SP100: variants seen among roughly 807,000 people sequenced by gnomAD.
The protein encoded by SP100 is SP100 nuclear body protein.
In SP100, 84 loss-of-function variants were observed where a neutral mutation model predicts 130.0. The ratio of observed to expected loss-of-function variants is 0.65; its 90% CI spans 0.54 to 0.77. The LOEUF (loss-of-function observed/expected upper bound fraction) is 0.77. Ranked by LOEUF, SP100 falls within the 30% of genes least tolerant of loss-of-function variation. The pLI is 0.00. For missense variants in SP100, 978 were observed against 1,052.2 expected (o/e 0.93, Z 0.97); for synonymous variants, 331 against 351.7 (o/e 0.94, Z 0.66).
intron 17 of SP100, among the ~76,000 whole-genome samples, chr2:230,486,451 T>C (rs2066101563): frequency 2.0e-5 from 3 of 152,164 alleles, no homozygotes; most frequent in African/African-American, 7.2e-5. Flanking sequence ...CTGGGTCAGT[T>C]TGCTGAGGAT....
At chr2:230,535,307 A>G (rs1005802576) in intron 24 of SP100, among the ~76,000 whole-genome samples, 1 of 152,210 alleles carries the variant, frequency 6.6e-6, no homozygotes, top group East Asian at 1.9e-4. Context: ...AGGTTGTTTC[A>G]TTAGATTAGA....
intron 17 of SP100, chr2:230,494,012 C>A (rs1054603071): frequency 1.1e-5 from 2 of 180,382 alleles, no homozygotes; most frequent in African/African-American, 4.8e-5. Flanking sequence ...CCCACTTTGG[C>A]CTCCCAAAGA....
chr2:230,431,452 G>A (rs1043835099), intron 2 of SP100, among the ~76,000 whole-genome samples: 2 of 152,154 alleles, frequency 1.3e-5, no homozygotes, highest in Non-Finnish European at 2.9e-5. Context: ...CCCTTCTAAT[G>A]TGGTTTTTCT....
intron 24 of SP100, among the ~76,000 whole-genome samples, chr2:230,520,977 G>T (rs995361799): frequency 2.6e-5 from 4 of 152,172 alleles, no homozygotes; most frequent in Non-Finnish European, 5.9e-5. Flanking sequence ...CCTTTTCAGG[G>T]TCAGTGGGGT....
chr2:230,436,734 G>T (rs2063279770), intron 2 of SP100, among the ~76,000 whole-genome samples: 1 of 151,828 alleles, frequency 6.6e-6, no homozygotes, highest in Non-Finnish European at 1.5e-5. Context: ...AATTTTATTA[G>T]GTCTATAGGT....
At chr2:230,421,262 A>G (rs2062759666) in intron 2 of SP100, among the ~76,000 whole-genome samples, 1 of 152,162 alleles carries the variant, frequency 6.6e-6, no homozygotes, top group Non-Finnish European at 1.5e-5. Flanking sequence ...AGTGAGGCAC[A>G]TTGGGTAATT....
At chr2:230,494,122 C>T (rs1320178476) in intron 17 of SP100, among the ~76,000 whole-genome samples, 1 of 151,900 alleles carries the variant, frequency 6.6e-6, no homozygotes, top group East Asian at 1.9e-4. Flanking sequence ...CTGCTGCTGT[C>T]ACCTTCTGCT....
At chr2:230,441,309 T>C (rs2063459311) in intron 2 of SP100, among the ~76,000 whole-genome samples, 1 of 152,212 alleles carries the variant, frequency 6.6e-6, no homozygotes, top group African/African-American at 2.4e-5. Flanking sequence ...AGGCTATCTC[T>C]GATAGTCTTT....
chr2:230,417,857 G>A (rs966197770), intron 2 of SP100, among the ~76,000 whole-genome samples, 192 bp downstream of exon 2: 1 of 151,974 alleles, frequency 6.6e-6, no homozygotes, highest in Non-Finnish European at 1.5e-5. Flanking sequence ...TAAATATTCT[G>A]TAAGTATAAA....
intron 8 of SP100, among the ~76,000 whole-genome samples, chr2:230,459,889 G>A (rs746631322): frequency 1.3e-5 from 2 of 152,114 alleles, no homozygotes; most frequent in Non-Finnish European, 2.9e-5. Context: ...GCCTTCGTGT[G>A]GCCCTTAGCA....
intron 17 of SP100, among the ~76,000 whole-genome samples, chr2:230,489,047 G>A (rs764143377): frequency 6.6e-6 from 1 of 152,142 alleles, no homozygotes; most frequent in Admixed American, 6.5e-5. Flanking sequence ...AAATGAGTTA[G>A]GGAGGAGTCA....
At position 230,542,035 on chromosome 2, in the gene SP100, G is replaced by A. The variant is rs1302602213; in HGVS notation, c.2547G>A (p.Arg849=). 1.2e-6 allele frequency: 2 copies of A among 1,613,658 alleles called. No homozygotes were observed. Among genetic ancestry groups the A allele is most frequent in the Non-Finnish European group, 1.7e-6 (2 of 1,179,778 alleles). The change falls in exon 28 of 29, where the codon AGG becomes AGA. Residue 849 remains arginine (R), a splice_region_variant and synonymous_variant. Coordinates refer to ENST00000340126, the MANE Select transcript of SP100 (RefSeq NM_001080391.2). ...TTCATAACCACAAGGAATTTTACAG[G>A]GTGAGTGGCTCTCCCTGCTTCCTTT... The part of the protein sequence containing the change: ...LIFHNHKEFY[R]EDKFTRLGIQ...
At chr2:230,449,033 A>T (rs2149921320) in intron 5 of SP100, 55 bp from the exon 6 acceptor site, 1 of 1,155,480 alleles carries the variant, frequency 8.7e-7, no homozygotes, top group East Asian at 2.3e-5. Flanking sequence ...TTAGGGGAGA[A>T]TGGCAAAATC....
chr2:230,446,749 G>A, intron 4 of SP100, 70 bp from the exon 5 acceptor site: 1 of 996,302 alleles, frequency 1.0e-6, no homozygotes. Context: ...ATTCCTAAAA[G>A]CATGATTTCC....
At chr2:230,491,173 A>G (rs1052166137) in intron 17 of SP100, among the ~76,000 whole-genome samples, 49 of 152,238 alleles carry the variant, frequency 3.2e-4, no homozygotes, top group African/African-American at 1.1e-3. Context: ...TATTCAATGA[A>G]GCACATTGAC....
chr2:230,506,365 A>G lies in SP100; in HGVS notation c.1933A>G (p.Ile645Val), dbSNP rs1265992635. The G allele has an allele frequency of 3.1e-6, 5 of 1,614,026 alleles. No individual in the cohort carries two copies. In the East Asian group the frequency reaches 6.7e-5, roughly 22 times the overall value. Residue 645 changes from isoleucine to valine, a missense_variant, in exon 22 of 29, where the codon ATT (isoleucine) becomes GTT (valine). Transcript: ENST00000340126. ...KKWFTPREFE[I>V]EGDRGASKNW... is the part of the protein sequence containing the mutation. The stretch of plus-strand genomic sequence containing the variant: ...GTGGTTCACTCCCAGGGAATTTGAA[A>G]TTGAAGGAGACCGCGGAGCATCCAA...
chr2:230,515,493 G>A (rs771436604), intron 24 of SP100: 2 of 1,612,838 alleles, frequency 1.2e-6, no homozygotes, highest in South Asian at 1.1e-5. Context: ...AATACAAAAA[G>A]GATATTGCTG....
chr2:230,468,437 C>T (rs187398269), intron 13 of SP100, among the ~76,000 whole-genome samples: 1 of 152,274 alleles, frequency 6.6e-6, no homozygotes, highest in East Asian at 1.9e-4. Context: ...TTTACACGGA[C>T]TCATGGCAAC....
At chr2:230,510,495 T>TACAGAG in intron 23 of SP100, 1 of 36,556 alleles carries the variant, frequency 2.7e-5, no homozygotes, top group Non-Finnish European at 6.2e-5. Flanking sequence ...TTTTTTTTTT[T>TACAGAG]TTTTTTTTTT....
Sources: allele counts gnomAD v4.1 joint callset (sites outside exome capture counted in the v4.1 genomes callset), GRCh38; gene constraint gnomAD v4.1.1; transcripts MANE v1.5; gene names NCBI Gene and HGNC (gene_info 2026-07-23, HGNC 2026-07-21).